The following RBFOX1 variants were observed in gnomAD, a reference collection of about 807,000 sequenced individuals.
RBFOX1 encodes the protein RNA binding fox-1 homolog 1.
In RBFOX1, 8 loss-of-function variants were observed where a neutral mutation model predicts 57.7. The observed-to-expected ratio is 0.14, with a 90% CI of 0.08 to 0.25. The LOEUF (loss-of-function observed/expected upper bound fraction) is 0.25. Among genes scored for constraint, RBFOX1 ranks in the 10% least tolerant of loss-of-function variants. The pLI is 1.00. For missense variants in RBFOX1, 611 were observed against 548.5 expected (o/e 1.11, Z -1.14); for synonymous variants, 326 against 222.4 (o/e 1.47, Z -4.15).
chr16:5,711,317 G>A (rs1176727564), intron 3 of RBFOX1, among the ~76,000 whole-genome samples: 2 of 152,210 alleles, frequency 1.3e-5, no homozygotes, highest in African/African-American at 4.8e-5. Flanking sequence ...GGCACAGAGA[G>A]GTTAAGTGGC....
intron 3 of RBFOX1, among the ~76,000 whole-genome samples, chr16:6,852,498 T>C (rs1441158371): frequency 6.6e-6 from 1 of 152,222 alleles, no homozygotes; most frequent in Non-Finnish European, 1.5e-5. Context: ...AGAACAGTCT[T>C]ACAAGTAGGG....
At position 7,160,941 on chromosome 16, in the gene RBFOX1, C is replaced by G. The variant is rs550988422; in HGVS notation, c.27+108843C>G. 4.6e-5 allele frequency among the ~76,000 whole-genome samples: 7 copies of G among 152,168 alleles called. No homozygotes were observed. The South Asian group carries it at 1.5e-3, about 32-fold the overall frequency. Reference sequence around the variant, plus strand: ...GTCTTTTACTTATGTGTAGCTAATACCACATTTATATCAGCGACAAACCTT... The same window carrying G: ...GTCTTTTACTTATGTGTAGCTAATAGCACATTTATATCAGCGACAAACCTT... On this transcript the variant is annotated intron_variant, in intron 4 of 15. Coordinates refer to ENST00000550418, the MANE Select transcript of RBFOX1 (RefSeq NM_018723.4).
chr16:6,173,170 G>A (rs966492438), intron 1 of RBFOX1, among the ~76,000 whole-genome samples: 2 of 151,986 alleles, frequency 1.3e-5, no homozygotes, highest in African/African-American at 4.8e-5. Context: ...TGCCATGTAC[G>A]GTAACATAGT....
chr16:7,524,239 A>G (rs971133729), intron 5 of RBFOX1, among the ~76,000 whole-genome samples: 2 of 152,222 alleles, frequency 1.3e-5, no homozygotes, highest in South Asian at 2.1e-4. Flanking sequence ...GATTTAACAC[A>G]AAGTGCAGAA....
At chr16:6,285,440 G>A (rs758748736) in intron 1 of RBFOX1, among the ~76,000 whole-genome samples, 1 of 152,074 alleles carries the variant, frequency 6.6e-6, no homozygotes, top group Non-Finnish European at 1.5e-5. Context: ...TAAGTTTATG[G>A]GAGCCAAACA....
intron 1 of RBFOX1, among the ~76,000 whole-genome samples, chr16:6,293,403 C>G (rs1257677642): frequency 3.3e-5 from 5 of 152,042 alleles, no homozygotes; most frequent in African/African-American, 1.2e-4. Flanking sequence ...CTCAAATATT[C>G]CTATCGCTCT....
intron 4 of RBFOX1, among the ~76,000 whole-genome samples, chr16:7,053,199 A>G (rs534311691): frequency 6.6e-6 from 1 of 152,340 alleles, no homozygotes; most frequent in African/African-American, 2.4e-5. Flanking sequence ...AATAAACAAC[A>G]GAATCCAGGT....
intron 3 of RBFOX1, among the ~76,000 whole-genome samples, chr16:6,964,923 C>G (rs943084514): frequency 3.3e-5 from 5 of 152,196 alleles, no homozygotes; most frequent in Non-Finnish European, 7.3e-5. Flanking sequence ...TAATCCCCAT[C>G]TCTGCGGATT....
chr16:5,637,963 G>T (rs1156425600), intron 3 of RBFOX1, among the ~76,000 whole-genome samples: 1 of 152,198 alleles, frequency 6.6e-6, no homozygotes, highest in Admixed American at 6.5e-5. Flanking sequence ...GTGTTCTCAA[G>T]TATTTCTACT....
intron 8 of RBFOX1, among the ~76,000 whole-genome samples, chr16:7,596,265 C>T (rs2152953216): frequency 6.6e-6 from 1 of 151,324 alleles, no homozygotes; most frequent in East Asian, 2.0e-4. Flanking sequence ...ATATCTGGCC[C>T]CTGTTCACTG....
intron 1 of RBFOX1, among the ~76,000 whole-genome samples, chr16:6,050,501 C>T (rs954771874): frequency 3.3e-5 from 5 of 152,118 alleles, no homozygotes; most frequent in African/African-American, 1.2e-4. Context: ...GTCATTTCTT[C>T]TTCCAAGAAG....
chr16:6,271,728 C>T (rs1261492126), intron 1 of RBFOX1, among the ~76,000 whole-genome samples: 2 of 152,136 alleles, frequency 1.3e-5, no homozygotes, highest in African/African-American at 4.8e-5. Context: ...TTGTAAAATA[C>T]AAACCATCAT....
intron 5 of RBFOX1, among the ~76,000 whole-genome samples, chr16:7,576,022 C>G (rs2093307259): frequency 6.6e-6 from 1 of 152,068 alleles, no homozygotes. Flanking sequence ...CAGCCTTGAT[C>G]TCCTGGGCTC....
intron 4 of RBFOX1, among the ~76,000 whole-genome samples, chr16:6,001,373 T>C (rs1259634330): frequency 3.9e-5 from 6 of 152,168 alleles, no homozygotes; most frequent in Non-Finnish European, 8.8e-5. Flanking sequence ...AAACCACCAA[T>C]GGTGTGTGGC....
chr16:5,834,528 T>C (rs111683613), intron 3 of RBFOX1, among the ~76,000 whole-genome samples: 10,039 of 152,146 alleles, frequency 0.066, 826 homozygotes, highest in African/African-American at 0.19. Flanking sequence ...GTTTGTTTCA[T>C]ATATTTGCAA....
intron 1 of RBFOX1, among the ~76,000 whole-genome samples, chr16:6,175,045 C>T (rs915666168): frequency 3.3e-5 from 5 of 152,156 alleles, no homozygotes; most frequent in South Asian, 2.1e-4. Flanking sequence ...AGAAACCATA[C>T]GTATCTCCCA....
intron 14 of RBFOX1, chr16:7,693,298 T>G: frequency 1.2e-6 from 2 of 1,612,592 alleles, no homozygotes; most frequent in Non-Finnish European, 1.7e-6. Context: ...TATTGTGAAT[T>G]TTATCTTCTC....
At chr16:6,457,414 C>G (rs983641286) in intron 2 of RBFOX1, among the ~76,000 whole-genome samples, 8 of 137,942 alleles carry the variant, frequency 5.8e-5, no homozygotes, top group Non-Finnish European at 1.1e-4. Flanking sequence ...GTGTTATTTT[C>G]TGGTGACTGT....
intron 2 of RBFOX1, among the ~76,000 whole-genome samples, chr16:6,610,969 TAGC>T (rs1433815895): frequency 1.3e-5 from 2 of 152,192 alleles, no homozygotes; most frequent in Admixed American, 1.3e-4. Flanking sequence ...TGCATTCACT[TAGC>T]AGCAACTTTT....
Sources: allele counts gnomAD v4.1 joint callset (sites outside exome capture counted in the v4.1 genomes callset), GRCh38; gene constraint gnomAD v4.1.1; transcripts MANE v1.5; gene names NCBI Gene and HGNC (gene_info 2026-07-23, HGNC 2026-07-21).